The following SMYD3 variants were observed in gnomAD, a reference collection of about 807,000 sequenced individuals.
SMYD3 encodes SET and MYND domain containing 3.
A neutral mutation model predicts 57.7 loss-of-function variants in SMYD3; 36 were observed. The ratio of observed to expected loss-of-function variants is 0.62; its 90% confidence interval spans 0.48 to 0.82. The LOEUF is 0.82. Among genes scored for constraint, SMYD3 ranks in the 40% least tolerant of loss-of-function variants. The probability of loss-of-function intolerance (pLI) is 0.00; values close to 1 mark genes in which losing one functional copy is unlikely to be tolerated. For synonymous variants in SMYD3, 211 were observed against 195.0 expected (o/e 1.08, Z -0.68); for missense variants, 515 against 538.8 (o/e 0.96, Z 0.44).
intron 5 of SMYD3, among the ~76,000 whole-genome samples, chr1:246,262,401 C>A (rs2064028733): frequency 6.6e-6 from 1 of 152,132 alleles, no homozygotes; most frequent in Non-Finnish European, 1.5e-5. Context: ...CTAATATGTA[C>A]CAAACACAGT....
At position 246,335,377 on chromosome 1, in the gene SMYD3, A is replaced by G. The variant is rs780632453; in HGVS notation, c.326T>C (p.Val109Ala). 4.0e-5 allele frequency: 64 copies of G among 1,613,894 alleles called. No homozygotes were observed. Among genetic ancestry groups the G allele is most frequent in the Non-Finnish European group, 5.2e-5 (61 of 1,179,892 alleles). ...GAGTTTTATACTCACAAGTTTGAAG[A>G]CAACTCTGCCAAGAAGTCGAACGGA... ...PDSVRLLGRVVFKLMDGAPSE... is the reference protein window; with the variant it reads ...PDSVRLLGRVAFKLMDGAPSE... The change falls in exon 3 of 12, where the codon GTC becomes GCC. Residue 109 changes from valine to alanine, a missense_variant. Coordinates refer to ENST00000490107, the MANE Select transcript of SMYD3 (RefSeq NM_001167740.2).
At chr1:246,287,345 A>G (rs1018005522) in intron 5 of SMYD3, among the ~76,000 whole-genome samples, 3 of 152,212 alleles carry the variant, frequency 2.0e-5, no homozygotes, top group Non-Finnish European at 4.4e-5. Flanking sequence ...TTACAGTTTC[A>G]TTACAAATTT....
At chr1:245,919,747 T>G (rs543180730) in intron 7 of SMYD3, among the ~76,000 whole-genome samples, 2 of 152,154 alleles carry the variant, frequency 1.3e-5, no homozygotes, top group Non-Finnish European at 2.9e-5. Context: ...GCTCATTTAG[T>G]GGGAATGTAT....
At chr1:246,065,379 G>A (rs1329927607) in intron 5 of SMYD3, among the ~76,000 whole-genome samples, 2 of 152,194 alleles carry the variant, frequency 1.3e-5, no homozygotes, top group Non-Finnish European at 2.9e-5. Context: ...GGTAAAATGA[G>A]TTGTTTAAAT....
intron 5 of SMYD3, among the ~76,000 whole-genome samples, chr1:246,028,923 A>C (rs1558164065): frequency 6.6e-6 from 1 of 152,222 alleles, no homozygotes; most frequent in Non-Finnish European, 1.5e-5. Flanking sequence ...CTAGAGATAA[A>C]TTCACATATT....
chr1:246,038,780 G>A (rs1304425835), intron 5 of SMYD3, among the ~76,000 whole-genome samples: 1 of 152,122 alleles, frequency 6.6e-6, no homozygotes, highest in Admixed American at 6.5e-5. Flanking sequence ...CTGCATGACT[G>A]TGCTCCAGGG....
At chr1:246,073,689 C>G (rs563096786) in intron 5 of SMYD3, among the ~76,000 whole-genome samples, 1 of 152,202 alleles carries the variant, frequency 6.6e-6, no homozygotes, top group African/African-American at 2.4e-5. Flanking sequence ...GGTACTCCAG[C>G]CTAGGTGACA....
At chr1:245,857,046 C>A (rs1255923862) in intron 10 of SMYD3, among the ~76,000 whole-genome samples, 1 of 152,232 alleles carries the variant, frequency 6.6e-6, no homozygotes, top group African/African-American at 2.4e-5. Context: ...ATCGATCACT[C>A]TGAGCAGGCA....
chr1:245,891,991 C>T (rs976017219), intron 8 of SMYD3, among the ~76,000 whole-genome samples: 7 of 152,134 alleles, frequency 4.6e-5, no homozygotes, highest in African/African-American at 1.7e-4. Flanking sequence ...CATGAACACA[C>T]CACTGCACTT....
chr1:246,379,323 C>T (rs993445949), intron 1 of SMYD3, among the ~76,000 whole-genome samples: 13 of 151,914 alleles, frequency 8.6e-5, no homozygotes, highest in Admixed American at 2.6e-4. Context: ...AACTATTACT[C>T]ATTATCATCA....
chr1:246,401,954 T>G (rs2066776697), intron 1 of SMYD3, among the ~76,000 whole-genome samples: 1 of 152,210 alleles, frequency 6.6e-6, no homozygotes, highest in Non-Finnish European at 1.5e-5. Flanking sequence ...ACTCCCGACC[T>G]CAGGTGATCC....
chr1:246,270,075 A>C (rs1464168865), intron 5 of SMYD3, among the ~76,000 whole-genome samples: 1 of 152,172 alleles, frequency 6.6e-6, no homozygotes, highest in Non-Finnish European at 1.5e-5. Context: ...ACATTACGAC[A>C]AACAAGGATT....
intron 5 of SMYD3, among the ~76,000 whole-genome samples, chr1:246,263,862 A>C (rs569321159): frequency 6.6e-6 from 1 of 152,312 alleles, no homozygotes; most frequent in East Asian, 1.9e-4. Context: ...AAAATGTGTA[A>C]GACAGTAACT....
At chr1:246,478,508 T>C (rs28613578) in intron 1 of SMYD3, among the ~76,000 whole-genome samples, 10,673 of 55,926 alleles carry the variant, frequency 0.19, 1,707 homozygotes, top group Middle Eastern at 0.34. Context: ...ACCTGTCCTC[T>C]GTCCTGGAGC....
intron 5 of SMYD3, among the ~76,000 whole-genome samples, chr1:246,006,679 C>T (rs368091064): frequency 3.2e-4 from 48 of 152,182 alleles, no homozygotes; most frequent in African/African-American, 1.0e-3. Context: ...TGACCTGTCT[C>T]GCCTAACAAA....
intron 11 of SMYD3, among the ~76,000 whole-genome samples, chr1:245,762,639 T>G (rs2045898582): frequency 6.6e-6 from 1 of 152,218 alleles, no homozygotes; most frequent in Non-Finnish European, 1.5e-5. Context: ...GGAATCCTAG[T>G]GTTACTCCCG....
intron 10 of SMYD3, among the ~76,000 whole-genome samples, chr1:245,815,193 A>T (rs2048732119): frequency 6.6e-6 from 1 of 152,252 alleles, no homozygotes; most frequent in Admixed American, 6.5e-5. Context: ...TCTCACAACT[A>T]AAAGAGGCCA....
At chr1:246,006,303 G>A (rs907800527) in intron 5 of SMYD3, among the ~76,000 whole-genome samples, 1 of 151,966 alleles carries the variant, frequency 6.6e-6, no homozygotes, top group South Asian at 2.1e-4. Context: ...GGATGTTGGA[G>A]GGGCTGGGGT....
At chr1:246,061,677 G>A (rs12562297) in intron 5 of SMYD3, among the ~76,000 whole-genome samples, 2,992 of 152,196 alleles carry the variant, frequency 0.02, 144 homozygotes, top group East Asian at 0.16. Flanking sequence ...TGTGAGCCAC[G>A]ATCACATGAC....
Sources: allele counts gnomAD v4.1 joint callset (sites outside exome capture counted in the v4.1 genomes callset), GRCh38; gene constraint gnomAD v4.1.1; transcripts MANE v1.5; gene names NCBI Gene and HGNC (gene_info 2026-07-23, HGNC 2026-07-21).